DLG2: variants seen among roughly 807,000 people sequenced by gnomAD.
DLG2 encodes discs large MAGUK scaffold protein 2.
Under a neutral mutation model 132.5 loss-of-function variants are expected in DLG2, and 45 were observed. The observed-to-expected ratio is 0.34, with a 90% CI of 0.27 to 0.44. The LOEUF is 0.44. Among genes scored for constraint, DLG2 ranks in the 20% least tolerant of loss-of-function variants. The pLI is 1.00. For synonymous variants in DLG2, 424 were observed against 419.6 expected (o/e 1.01, Z -0.13); for missense variants, 1,045 against 1,196.9 (o/e 0.87, Z 1.87).
At chr11:84,352,469 G>A (rs2098582844) in intron 7 of DLG2, among the ~76,000 whole-genome samples, 1 of 152,146 alleles carries the variant, frequency 6.6e-6, no homozygotes, top group South Asian at 2.1e-4. Flanking sequence ...AGTTGTTTTT[G>A]TAATTTTGTA....
At chr11:84,928,978 GTGTGTATA>G (rs1294442567) in intron 6 of DLG2, among the ~76,000 whole-genome samples, 16 of 29,834 alleles carry the variant, frequency 5.4e-4, no homozygotes, top group Admixed American at 1.4e-3. Flanking sequence ...GTGTGTGTGT[GTGTGTATA>G]TATATATATA....
At chr11:84,682,557 A>T (rs1369853418) in intron 6 of DLG2, among the ~76,000 whole-genome samples, 2 of 152,122 alleles carry the variant, frequency 1.3e-5, no homozygotes, top group Non-Finnish European at 2.9e-5. Flanking sequence ...TAACAATCAG[A>T]TGTGGTTGCT....
At chr11:84,814,004 C>T in intron 6 of DLG2, among the ~76,000 whole-genome samples, 1 of 152,096 alleles carries the variant, frequency 6.6e-6, no homozygotes, top group Non-Finnish European at 1.5e-5. Context: ...CACTATATTC[C>T]TGCAGAGTAA....
chr11:85,324,261 G>A (rs1301429444), intron 3 of DLG2, among the ~76,000 whole-genome samples: 1 of 152,032 alleles, frequency 6.6e-6, no homozygotes, highest in South Asian at 2.1e-4. Context: ...TTGGTGGAGT[G>A]ATGCCAGGAT....
intron 8 of DLG2, among the ~76,000 whole-genome samples, chr11:84,227,463 C>T (rs1392440887): frequency 6.6e-6 from 1 of 152,070 alleles, no homozygotes; most frequent in East Asian, 1.9e-4. Context: ...GTTTGTGCCC[C>T]CACTGAGCCA....
intron 6 of DLG2, among the ~76,000 whole-genome samples, chr11:85,028,807 C>T (rs2060765431): frequency 6.6e-6 from 1 of 152,086 alleles, no homozygotes; most frequent in Admixed American, 6.5e-5. Flanking sequence ...GGTGGCTGCA[C>T]AGTTGCACCC....
In DLG2 at chr11:83,487,262, G is replaced by T. The variant is rs1184241267; in HGVS notation, c.2194-3034C>A. ...GCATGGGGCAAGCTGGCAAATCTAA[G>T]AATTCTATTTTGGAATTTGACCTAA... is the stretch of plus-strand genomic sequence containing the variant. On this transcript the variant is annotated intron_variant, in intron 21 of 27. Coordinates refer to ENST00000376104, the MANE Select transcript of DLG2 (RefSeq NM_001142699.3). Among the ~76,000 whole-genome samples the T allele has an allele frequency of 2.0e-5, 3 of 152,026 alleles. No individual in the cohort carries two copies. In the East Asian group the frequency reaches 5.8e-4, roughly 29 times the overall value.
intron 4 of DLG2, among the ~76,000 whole-genome samples, chr11:85,262,841 A>C (rs1272978052): frequency 6.6e-6 from 1 of 152,180 alleles, no homozygotes; most frequent in African/African-American, 2.4e-5. Flanking sequence ...AGCCACGAGA[A>C]TAAGCAGCCC....
intron 11 of DLG2, among the ~76,000 whole-genome samples, chr11:84,001,579 CTT>C (rs1423506537): frequency 4.6e-5 from 7 of 152,070 alleles, no homozygotes; most frequent in Admixed American, 3.9e-4. Flanking sequence ...TTAAAGTAGA[CTT>C]TAGATAAAAT....
intron 3 of DLG2, among the ~76,000 whole-genome samples, chr11:85,533,899 A>T (rs949219399): frequency 6.6e-6 from 1 of 152,238 alleles, no homozygotes; most frequent in South Asian, 2.1e-4. Context: ...GCTGTTTACA[A>T]ATGTTTAAAT....
intron 3 of DLG2, among the ~76,000 whole-genome samples, chr11:85,442,129 T>G (rs781129882): frequency 6.6e-6 from 1 of 152,198 alleles, no homozygotes; most frequent in Admixed American, 6.5e-5. Flanking sequence ...GAATATATTA[T>G]GTATATCTTT....
Position 84,471,890 on chromosome 11 carries a change from G to T in DLG2, c.519+62680C>A, listed in dbSNP as rs564029152. 2.0e-5 allele frequency among the ~76,000 whole-genome samples: 3 copies of T among 151,766 alleles called. No homozygotes were observed. The South Asian group carries it at 6.2e-4, about 32-fold the overall frequency. ...CTCACTGTTGCAAAGTTACTTAAAA[G>T]ATTTTGTTTTTCTTATACAGTTCAG... is the stretch of plus-strand genomic sequence containing the variant. On this transcript the variant is annotated intron_variant, in intron 7 of 27. Coordinates refer to ENST00000376104, the MANE Select transcript of DLG2 (RefSeq NM_001142699.3).
At chr11:83,999,309 G>T (rs2094211487) in intron 11 of DLG2, among the ~76,000 whole-genome samples, 1 of 152,270 alleles carries the variant, frequency 6.6e-6, no homozygotes, top group African/African-American at 2.4e-5. Context: ...TACCTAGCCA[G>T]CCACTTACTC....
intron 16 of DLG2, among the ~76,000 whole-genome samples, chr11:83,841,924 A>G (rs907533940): frequency 6.6e-5 from 10 of 152,222 alleles, no homozygotes; most frequent in Non-Finnish European, 2.9e-5. Context: ...TAGGAAGTGG[A>G]CAAGTGCTAT....
intron 2 of DLG2, among the ~76,000 whole-genome samples, chr11:85,619,833 CAA>C (rs113283591): frequency 7.1e-6 from 1 of 139,888 alleles, no homozygotes. Flanking sequence ...AACTCCGTCT[CAA>C]AAAAAAAAAG....
chr11:84,236,987 G>A (rs927649563), intron 8 of DLG2, among the ~76,000 whole-genome samples: 2 of 149,480 alleles, frequency 1.3e-5, no homozygotes, highest in Non-Finnish European at 3.0e-5. Flanking sequence ...AGTGTGCAGT[G>A]GCATCATCTC....
intron 18 of DLG2, among the ~76,000 whole-genome samples, chr11:83,785,878 C>A (rs2095037091): frequency 6.6e-6 from 1 of 152,198 alleles, no homozygotes. Flanking sequence ...GCCATATGGA[C>A]CAAAAGCAAT....
chr11:84,447,636 G>GT, intron 7 of DLG2, among the ~76,000 whole-genome samples: 1 of 152,002 alleles, frequency 6.6e-6, no homozygotes, highest in South Asian at 2.1e-4. Flanking sequence ...CTTATGAGTA[G>GT]TTTTTTCTTT....
At chr11:83,603,997 G>A (rs1201438073) in intron 19 of DLG2, among the ~76,000 whole-genome samples, 1 of 151,958 alleles carries the variant, frequency 6.6e-6, no homozygotes, top group East Asian at 1.9e-4. Flanking sequence ...CTAAACTGCT[G>A]GTATGAGTAG....
Sources: allele counts gnomAD v4.1 joint callset (sites outside exome capture counted in the v4.1 genomes callset), GRCh38; gene constraint gnomAD v4.1.1; transcripts MANE v1.5; gene names NCBI Gene and HGNC (gene_info 2026-07-23, HGNC 2026-07-21).